Variants in ARHGAP24 observed in about 807,000 individuals in gnomAD.
The protein encoded by ARHGAP24 is rho GTPase-activating protein 24.
A neutral mutation model predicts 76.4 loss-of-function variants in ARHGAP24; 50 were observed. The ratio of observed to expected loss-of-function variants is 0.65; its 90% confidence interval spans 0.52 to 0.83. The LOEUF is 0.83. Ranked by LOEUF, ARHGAP24 falls within the 40% of genes least tolerant of loss-of-function variation. The pLI, the probability that ARHGAP24 is intolerant of heterozygous loss-of-function variation, is 0.00. For missense variants in ARHGAP24, 930 were observed against 914.2 expected, an observed-to-expected ratio of 1.02 and a Z score of -0.22; for synonymous variants, 345 against 323.3, an observed-to-expected ratio of 1.07 and a Z score of -0.72.
At chr4:85,966,386 T>C (rs543931838) in intron 5 of ARHGAP24, among the ~76,000 whole-genome samples, 15 of 152,272 alleles carry the variant, frequency 9.9e-5, no homozygotes, top group Non-Finnish European at 2.1e-4. Flanking sequence ...CAAGCACTAG[T>C]TCAATGTAGT....
intron 1 of ARHGAP24, among the ~76,000 whole-genome samples, chr4:85,482,799 C>G (rs932724086): frequency 7.9e-5 from 12 of 152,194 alleles, no homozygotes; most frequent in Non-Finnish European, 1.8e-4. Flanking sequence ...AGCCCTATCT[C>G]TCTCTTATAG....
At chr4:85,586,095 G>A (rs1367359485) in intron 2 of ARHGAP24, among the ~76,000 whole-genome samples, 2 of 152,154 alleles carry the variant, frequency 1.3e-5, no homozygotes, top group Non-Finnish European at 2.9e-5. Flanking sequence ...AAGGTCAAGT[G>A]GATGCCTCTT....
At chr4:85,851,507 GT>G (rs1731231421) in intron 3 of ARHGAP24, among the ~76,000 whole-genome samples, 1 of 152,116 alleles carries the variant, frequency 6.6e-6, no homozygotes, top group African/African-American at 2.4e-5. Flanking sequence ...TTAGCTGGTT[GT>G]TTTGCTCATT....
chr4:85,512,219 C>T (rs1004736260), intron 1 of ARHGAP24, among the ~76,000 whole-genome samples: 9 of 152,214 alleles, frequency 5.9e-5, no homozygotes, highest in Non-Finnish European at 1.3e-4. Context: ...ATTACTTAGC[C>T]TCACTGAGCC....
At chr4:85,564,753 A>G (rs1427556415) in intron 1 of ARHGAP24, among the ~76,000 whole-genome samples, 2 of 150,608 alleles carry the variant, frequency 1.3e-5, no homozygotes, top group Admixed American at 6.6e-5. Flanking sequence ...TTGAGCTCCT[A>G]TGAGAATCTA....
chr4:85,677,328 G>A (rs1235980639), intron 2 of ARHGAP24, among the ~76,000 whole-genome samples: 3 of 152,164 alleles, frequency 2.0e-5, no homozygotes, highest in Non-Finnish European at 4.4e-5. Context: ...TGCACATTCA[G>A]GGGTGGGAAG....
chr4:85,625,480 T>C (rs12152688), intron 2 of ARHGAP24, among the ~76,000 whole-genome samples: 3 of 151,696 alleles, frequency 2.0e-5, no homozygotes, highest in Admixed American at 1.3e-4. Context: ...CTGAGGAGAG[T>C]TTTACTTCCA....
intron 1 of ARHGAP24, among the ~76,000 whole-genome samples, chr4:85,513,858 T>G (rs921230437): frequency 6.6e-6 from 1 of 152,244 alleles, no homozygotes; most frequent in African/African-American, 2.4e-5. Flanking sequence ...GCCTGTAGTT[T>G]TGTTGCTTGT....
Position 85,475,428 on chromosome 4 carries a change from T to TC in ARHGAP24, c.-148dup, listed in dbSNP as rs1251745963. 1 of 152,622 alleles carries TC rather than the reference T, an allele frequency of 6.6e-6. No homozygotes were observed. The highest frequency in any genetic ancestry group is 6.5e-5 in the Admixed American group (1 of 15,284). The allele number at this position is 152,622 out of a possible 1,614,324, so 9.5% of individuals were successfully genotyped here. On this transcript the variant is annotated 5_prime_UTR_variant, in exon 1 of 10. It removes the in-frame stop codon of an upstream open reading frame in the 5' UTR. Transcript: ENST00000395184. ...AGCCCAGTGCATAGAGTTCAACACT[T>TC]CCCCTTGTTGTGGAAAGTAAAGGAG...
chr4:85,831,566 A>G (rs1361627542), intron 3 of ARHGAP24, among the ~76,000 whole-genome samples: 1 of 152,206 alleles, frequency 6.6e-6, no homozygotes, highest in Non-Finnish European at 1.5e-5. Context: ...ATAACTTATC[A>G]GAACACACCA....
chr4:85,924,487 C>T (rs1319668695), intron 4 of ARHGAP24, among the ~76,000 whole-genome samples: 1 of 151,980 alleles, frequency 6.6e-6, no homozygotes, highest in Admixed American at 6.5e-5. Context: ...TATCTACAAC[C>T]ACAATATATT....
intron 2 of ARHGAP24, among the ~76,000 whole-genome samples, chr4:85,674,174 A>T (rs115623693): frequency 0.011 from 1,657 of 152,126 alleles, 34 homozygotes; most frequent in African/African-American, 0.038. Flanking sequence ...GGGCCCAATA[A>T]TTTTCGTTTC....
chr4:85,919,351 A>G (rs1323183429), intron 3 of ARHGAP24, among the ~76,000 whole-genome samples: 1 of 152,230 alleles, frequency 6.6e-6, no homozygotes, highest in East Asian at 1.9e-4. Flanking sequence ...CTGAGGGGTT[A>G]TGCATTAGAA....
At chr4:85,528,912 T>C (rs989829957) in intron 1 of ARHGAP24, among the ~76,000 whole-genome samples, 1 of 152,044 alleles carries the variant, frequency 6.6e-6, no homozygotes, top group Non-Finnish European at 1.5e-5. Context: ...AAATACATAA[T>C]ATCATCTTGA....
chr4:85,837,482 G>A (rs1180734859), intron 3 of ARHGAP24, among the ~76,000 whole-genome samples: 1 of 151,998 alleles, frequency 6.6e-6, no homozygotes, highest in Non-Finnish European at 1.5e-5. Context: ...GGAATTTGTG[G>A]TTGTGGAGTC....
chr4:85,915,029 T>A (rs1735299587), intron 3 of ARHGAP24, among the ~76,000 whole-genome samples: 1 of 152,162 alleles, frequency 6.6e-6, no homozygotes, highest in Non-Finnish European at 1.5e-5. Flanking sequence ...GCCAAGAAAA[T>A]GTTCTACCTT....
In ARHGAP24 at chr4:85,475,779, TTG is replaced by T. The variant is rs370882670; in HGVS notation, c.-21+233_-21+234del. ...CCGTGCTGATGTAGCCTGTCTGTGT[TTG>T]TGTGTGTGTGTGCGCGCGCGCGCAT... On this transcript the variant is annotated intron_variant, in intron 1 of 9. Transcript: ENST00000395184. 2.1e-4 allele frequency among the ~76,000 whole-genome samples: 31 copies of T among 147,592 alleles called. No individual in the cohort carries two copies. The East Asian group carries it at 3.4e-3, about 16-fold the overall frequency.
intron 3 of ARHGAP24, among the ~76,000 whole-genome samples, chr4:85,800,394 G>C (rs768237921): frequency 2.0e-5 from 3 of 152,112 alleles, no homozygotes; most frequent in Non-Finnish European, 2.9e-5. Context: ...TGCTCAGATA[G>C]AGCAAAGCAG....
intron 3 of ARHGAP24, among the ~76,000 whole-genome samples, chr4:85,722,721 T>G (rs1490146582): frequency 6.6e-6 from 1 of 152,138 alleles, no homozygotes; most frequent in Admixed American, 6.6e-5. Flanking sequence ...TATCCCTCAA[T>G]GTAAGAAAAA....
Sources: gnomAD v4.1 joint callset for allele counts (sites outside exome capture counted in the v4.1 genomes callset) on GRCh38, gnomAD v4.1.1 for gene constraint, MANE v1.5 for transcripts, NCBI Gene and HGNC (gene_info 2026-07-23, HGNC 2026-07-21) for gene names.